COBLL1: variants seen among roughly 807,000 people sequenced by gnomAD.
COBLL1 encodes the protein cordon-bleu WH2 repeat protein like 1.
In COBLL1, 50 loss-of-function variants were observed where a neutral mutation model predicts 94.8. That is an observed-to-expected ratio of 0.53 (90% CI 0.42 to 0.67). COBLL1 has a LOEUF of 0.67. Ranked by LOEUF, COBLL1 falls within the 30% of genes least tolerant of loss-of-function variation. The probability of loss-of-function intolerance (pLI) is 0.00; values close to 1 mark genes in which losing one functional copy is unlikely to be tolerated. For synonymous variants in COBLL1, 448 were observed against 473.8 expected (o/e 0.95, Z 0.71); for missense variants, 1,362 against 1,348.7 (o/e 1.01, Z -0.15).
At chr2:164,772,467 T>A (rs355856) in intron 2 of COBLL1, among the ~76,000 whole-genome samples, 35,397 of 151,906 alleles carry the variant, frequency 0.23, 4,781 homozygotes, top group African/African-American at 0.37. Flanking sequence ...AAGTAGATTT[T>A]TAATTTGAAC....
chr2:164,710,277 G>A (rs1483871682), intron 7 of COBLL1, among the ~76,000 whole-genome samples: 1 of 152,110 alleles, frequency 6.6e-6, no homozygotes, highest in South Asian at 2.1e-4. Context: ...GGTAAAGTCT[G>A]CAGGAAAAGA....
intron 2 of COBLL1, among the ~76,000 whole-genome samples, chr2:164,797,463 C>A (rs558846418): frequency 3.2e-4 from 49 of 152,072 alleles, no homozygotes; most frequent in Admixed American, 7.9e-4. Flanking sequence ...GTAGGTAAAT[C>A]AACTGTATAT....
chr2:164,727,044 G>T, intron 5 of COBLL1: 2 of 838,454 alleles, frequency 2.4e-6, no homozygotes, highest in Non-Finnish European at 3.7e-6. Flanking sequence ...AAAATTAGAA[G>T]CTTAATTTCA....
At chr2:164,758,784 A>G (rs544508201) in intron 2 of COBLL1, among the ~76,000 whole-genome samples, 1 of 152,224 alleles carries the variant, frequency 6.6e-6, no homozygotes, top group Non-Finnish European at 1.5e-5. Flanking sequence ...ATATATTTCT[A>G]CTTTAAAAAG....
chr2:164,790,127 T>C lies in COBLL1; in HGVS notation c.42-46252A>G, dbSNP rs563773662. 3.9e-5 allele frequency among the ~76,000 whole-genome samples: 6 copies of C among 152,312 alleles called. No homozygotes were observed. The South Asian group carries it at 1.2e-3, about 32-fold the overall frequency. ...TCACACTGGGTGGGGCCACCATCTG[T>C]GTGGAGTTTGCACTTACGCCTCATG... On this transcript the variant is annotated intron_variant, in intron 2 of 13. Transcript: ENST00000652658.
At chr2:164,666,406 G>A (rs1056131142) in intron 1 of COBLL1, among the ~76,000 whole-genome samples, 1 of 152,288 alleles carries the variant, frequency 6.6e-6, no homozygotes, top group Non-Finnish European at 1.5e-5. Context: ...TCAGTAAGTC[G>A]TAATGTTTTT....
At chr2:164,688,626 A>G (rs572286092) in intron 13 of COBLL1, among the ~76,000 whole-genome samples, 20 of 152,324 alleles carry the variant, frequency 1.3e-4, no homozygotes, top group East Asian at 1.2e-3. Context: ...GAATGCAACT[A>G]TAACAATTTC....
At position 164,730,045 on chromosome 2, in the gene COBLL1, C is replaced by A. The variant is rs756776503; in HGVS notation, c.301G>T (p.Asp101Tyr). ...TGGTTCTGTTCAGCTGACAACAGATCGATTGTGTAACTTGATGGATTTAAG... is the reference window on the plus strand; with the variant it reads ...TGGTTCTGTTCAGCTGACAACAGATAGATTGTGTAACTTGATGGATTTAAG... ...YHLNPSSYTI[D>Y]LLSAEQNHIK... The change falls in exon 4 of 14, where the codon GAT becomes TAT. Residue 101 changes from aspartate to tyrosine, a missense_variant. Coordinates refer to ENST00000652658, the MANE Select transcript of COBLL1 (RefSeq NM_001365672.2). 12 of 1,613,822 alleles carry A rather than the reference C, an allele frequency of 7.4e-6. No individual in the cohort carries two copies. The highest frequency in any genetic ancestry group is 1.0e-5 in the Non-Finnish European group (12 of 1,179,918).
At chr2:164,731,112 A>G (rs1322766359) in intron 3 of COBLL1, among the ~76,000 whole-genome samples, 2 of 152,196 alleles carry the variant, frequency 1.3e-5, no homozygotes, top group African/African-American at 2.4e-5. Context: ...GTTTGTTTAT[A>G]TAACGTCTCA....
At chr2:164,763,733 G>A (rs929269280) in intron 2 of COBLL1, among the ~76,000 whole-genome samples, 3 of 151,960 alleles carry the variant, frequency 2.0e-5, no homozygotes, top group Admixed American at 6.6e-5. Context: ...ACTATCTTTC[G>A]ATAAAAAGTA....
At chr2:164,739,509 G>A (rs879671588) in intron 3 of COBLL1, among the ~76,000 whole-genome samples, 16 of 152,092 alleles carry the variant, frequency 1.1e-4, no homozygotes, top group African/African-American at 1.9e-4. Flanking sequence ...CTGTACTTCC[G>A]TCAAACATTG....
rs1683922416 is a variant in COBLL1, at chr2:164,695,926, T to C, written c.1556-90A>G. The stretch of plus-strand genomic sequence containing the variant: ...CTACTTTCTCCAACCTGAAATAGTT[T>C]GGTTTGAATTCTACAGATAATTTTC... On this transcript the variant is annotated intron_variant, in intron 11 of 13. Coordinates refer to ENST00000652658, the MANE Select transcript of COBLL1 (RefSeq NM_001365672.2). The C allele has an allele frequency of 3.9e-6, 4 of 1,035,712 alleles. 1 individual carries two copies. In the South Asian group the frequency reaches 6.7e-5, roughly 17 times the overall value. 64.2% of individuals were successfully genotyped at this position (1,035,712 alleles called of 1,614,324 possible). A position where few individuals can be genotyped will look rare whatever the true frequency, so the allele number is the denominator to read the frequency against.
Position 164,680,859 on chromosome 2 carries a change from G to T in COBLL1, c.*5087C>A, listed in dbSNP as rs1011432307. The T allele has an allele frequency of 4.6e-5, 7 of 152,078 alleles. No homozygotes were observed. The highest frequency in any genetic ancestry group is 1.3e-4 in the Admixed American group (2 of 15,262). The allele number at this position is 152,078 out of a possible 1,614,324, so 9.4% of individuals were successfully genotyped here. A position where few individuals can be genotyped will look rare whatever the true frequency, so the allele number is the denominator to read the frequency against. ...CAAATTTAATGACCTTCTGAAGGGG[G>T]TCTAGATGACTTTGACAGCTGGGCT... is the stretch of plus-strand genomic sequence containing the variant. On this transcript the variant is annotated 3_prime_UTR_variant, in exon 14 of 14. Coordinates refer to ENST00000652658, the MANE Select transcript of COBLL1 (RefSeq NM_001365672.2).
intron 2 of COBLL1, among the ~76,000 whole-genome samples, chr2:164,778,095 A>G (rs970179590): frequency 1.3e-5 from 2 of 152,182 alleles, no homozygotes; most frequent in African/African-American, 4.8e-5. Context: ...TGCTTCTAAT[A>G]GGATGGCTCT....
intron 13 of COBLL1, among the ~76,000 whole-genome samples, chr2:164,689,079 G>A (rs531242648): frequency 1.1e-4 from 16 of 152,144 alleles, no homozygotes; most frequent in African/African-American, 3.6e-4. Context: ...ATTTATTAAT[G>A]CTTTACTTGA....
intron 2 of COBLL1, among the ~76,000 whole-genome samples, chr2:164,792,882 TC>T (rs1683261124): frequency 6.6e-6 from 1 of 152,110 alleles, no homozygotes; most frequent in Admixed American, 6.6e-5. Context: ...CAGGATTAAT[TC>T]CATTCCTAGG....
At chr2:164,665,599 T>C (rs1691147127) in intron 2 of COBLL1, among the ~76,000 whole-genome samples, 1 of 152,204 alleles carries the variant, frequency 6.6e-6, no homozygotes. Context: ...ACATAGTTGA[T>C]ATTCCTGTTT....
intron 2 of COBLL1, among the ~76,000 whole-genome samples, chr2:164,783,732 C>T (rs547042434): frequency 1.3e-5 from 2 of 152,042 alleles, no homozygotes; most frequent in Non-Finnish European, 2.9e-5. Flanking sequence ...CTTTAGGAGG[C>T]CAAGGAGGGA....
In COBLL1 at chr2:164,705,122, C is replaced by G; in HGVS notation, c.997-17G>C. Reference sequence around the variant, plus strand: ...ACAGGGACTCTGGAAAACAAAATGACCAAATAAAATCCTACATTTAGAAAT... The same window carrying G: ...ACAGGGACTCTGGAAAACAAAATGAGCAAATAAAATCCTACATTTAGAAAT... On this transcript the variant is annotated splice_polypyrimidine_tract_variant and intron_variant, in intron 7 of 13. Coordinates refer to ENST00000652658, the MANE Select transcript of COBLL1 (RefSeq NM_001365672.2). 1 of 1,489,426 alleles carries G rather than the reference C, an allele frequency of 6.7e-7. No homozygotes were observed. Among genetic ancestry groups the G allele is most frequent in the South Asian group, 1.4e-5 (1 of 70,298 alleles). The allele number at this position is 1,489,426 out of a possible 1,614,324, so 92.3% of individuals were successfully genotyped here. A position where few individuals can be genotyped will look rare whatever the true frequency, so the allele number is the denominator to read the frequency against.
Sources: allele counts gnomAD v4.1 joint callset (sites outside exome capture counted in the v4.1 genomes callset), GRCh38; gene constraint gnomAD v4.1.1; transcripts MANE v1.5; gene names NCBI Gene and HGNC (gene_info 2026-07-23, HGNC 2026-07-21).